SGCD: variants seen among roughly 807,000 people sequenced by gnomAD.
SGCD encodes sarcoglycan delta.
Under a neutral mutation model 36.6 loss-of-function variants are expected in SGCD, and 18 were observed. That is an observed-to-expected ratio of 0.49 (90% CI 0.34 to 0.73). The LOEUF is 0.73. Among genes scored for constraint, SGCD ranks in the 30% least tolerant of loss-of-function variants. The probability of loss-of-function intolerance (pLI) is 0.01; values close to 1 mark genes in which losing one functional copy is unlikely to be tolerated. For missense variants in SGCD, 387 were observed against 346.7 expected, an observed-to-expected ratio of 1.12 and a Z score of -0.92; for synonymous variants, 133 against 130.6, an observed-to-expected ratio of 1.02 and a Z score of -0.12.
At position 156,054,276 on chromosome 5, in the gene SGCD, CTTTCCTTCTTTT is replaced by C. The variant is rs756507024; in HGVS notation, c.-281-63598_-281-63587del. Among the ~76,000 whole-genome samples the C allele has an allele frequency of 2.1e-4, 25 of 117,518 alleles. 3 individuals are homozygous for C. Among genetic ancestry groups the C allele is most frequent in the Non-Finnish European group, 4.0e-4 (22 of 55,320 alleles). The allele number at this position is 117,518 out of a possible 152,430, so 77.1% of individuals were successfully genotyped here. A position where few individuals can be genotyped will look rare whatever the true frequency, so the allele number is the denominator to read the frequency against. On this transcript the variant is annotated intron_variant, in intron 1 of 9. Transcript: ENST00000517913. ...TCCAGTTAAACCAATTAAACATGAA[CTTTCCTTCTTTT>C]TTTTTTTTTTTTTTTGAGACAGAGT...
chr5:156,752,437 G>A (rs1477480580), intron 7 of SGCD, among the ~76,000 whole-genome samples: 2 of 152,040 alleles, frequency 1.3e-5, no homozygotes, highest in African/African-American at 4.8e-5. Context: ...CTGTCTCCCA[G>A]GCTAGAGTGC....
intron 7 of SGCD, among the ~76,000 whole-genome samples, chr5:156,713,526 G>GT (rs1355501535): frequency 6.6e-6 from 1 of 152,150 alleles, no homozygotes; most frequent in Non-Finnish European, 1.5e-5. Flanking sequence ...GGAGCTTGTG[G>GT]TAAACGCTTC....
At chr5:155,907,829 T>C (rs1423078956) in intron 1 of SGCD, among the ~76,000 whole-genome samples, 2 of 152,134 alleles carry the variant, frequency 1.3e-5, no homozygotes, top group African/African-American at 2.4e-5. Context: ...GAAGCAATGA[T>C]AGGGTTTGAG....
At chr5:156,583,886 T>A (rs1192316201) in intron 4 of SGCD, among the ~76,000 whole-genome samples, 1 of 152,226 alleles carries the variant, frequency 6.6e-6, no homozygotes, top group Non-Finnish European at 1.5e-5. Context: ...TTGAGGAAAC[T>A]GCCTTCCATT....
chr5:156,068,214 T>C (rs1257118948), intron 1 of SGCD, among the ~76,000 whole-genome samples: 1 of 151,984 alleles, frequency 6.6e-6, no homozygotes, highest in Non-Finnish European at 1.5e-5. Flanking sequence ...GCTGGTGTGC[T>C]GCACCCATTA....
rs527413353 is a variant in SGCD, at chr5:156,510,123, C to T, written c.294+1421C>T. Among the ~76,000 whole-genome samples the T allele has an allele frequency of 8.5e-5, 13 of 152,184 alleles. No individual in the cohort carries two copies. The East Asian group carries it at 2.3e-3, about 27-fold the overall frequency. ...TCAAATAAGTTTACTTTCTTGTGTG[C>T]TTAGTAAAAGAGAGGGAACAAGGAT... On this transcript the variant is annotated intron_variant, in intron 4 of 8. Coordinates refer to ENST00000337851, the MANE Select transcript of SGCD (RefSeq NM_000337.6).
chr5:156,529,080 C>T (rs1054366187), intron 4 of SGCD, among the ~76,000 whole-genome samples: 8 of 151,958 alleles, frequency 5.3e-5, no homozygotes, highest in African/African-American at 1.5e-4. Context: ...TCCCACAGAC[C>T]GTAGTAACTG....
At position 156,671,754 on chromosome 5, in the gene SGCD, GA is replaced by G. The variant is rs1753304491; in HGVS notation, c.575+24222del. Among the ~76,000 whole-genome samples, 3 of 152,294 alleles carry G rather than the reference GA, an allele frequency of 2.0e-5. No homozygotes were observed. The South Asian group carries it at 6.2e-4, about 32-fold the overall frequency. On this transcript the variant is annotated intron_variant, in intron 7 of 8. Coordinates refer to ENST00000337851, the MANE Select transcript of SGCD (RefSeq NM_000337.6). The stretch of plus-strand genomic sequence containing the variant: ...TACCTGAGATTGAGTAATTTATAAA[GA>G]AAAGAGGGTCATTTGGCTCACAGTT...
intron 7 of SGCD, among the ~76,000 whole-genome samples, chr5:156,748,255 TG>T (rs1757020463): frequency 6.6e-6 from 1 of 152,208 alleles, no homozygotes; most frequent in South Asian, 2.1e-4. Flanking sequence ...GGTAACTTTC[TG>T]GGGTACTGGT....
At chr5:155,956,022 G>A (rs1025974705) in intron 1 of SGCD, among the ~76,000 whole-genome samples, 10 of 151,954 alleles carry the variant, frequency 6.6e-5, no homozygotes, top group African/African-American at 2.4e-4. Flanking sequence ...GGTGGAGGAG[G>A]CAGACATTGA....
At chr5:155,744,512 A>G in the SGCD span, among the ~76,000 whole-genome samples, 1 of 152,326 alleles carries the variant, frequency 6.6e-6, no homozygotes, top group East Asian at 1.9e-4. Context: ...GTAAAAAGCA[A>G]TTATTTAAAA....
At chr5:156,231,006 GGCTACAA>G in intron 3 of SGCD, among the ~76,000 whole-genome samples, 1 of 151,986 alleles carries the variant, frequency 6.6e-6, no homozygotes, top group African/African-American at 2.4e-5. Context: ...CAAATAAAAA[GGCTACAA>G]GGAGGGTTGT....
intron 1 of SGCD, among the ~76,000 whole-genome samples, chr5:155,891,558 C>CTTTTTT (rs372399423): frequency 0.44 from 26,525 of 60,248 alleles, 6,724 homozygotes; most frequent in Non-Finnish European, 0.49. Context: ...AATAAATACT[C>CTTTTTT]TTTTTTTTTT....
chr5:156,161,324 T>G (rs1763082980), intron 3 of SGCD, among the ~76,000 whole-genome samples: 1 of 151,770 alleles, frequency 6.6e-6, no homozygotes, highest in Non-Finnish European at 1.5e-5. Flanking sequence ...AACATTCACT[T>G]TTATATCACA....
At chr5:155,807,019 G>T in the SGCD span, among the ~76,000 whole-genome samples, 21 of 152,282 alleles carry the variant, frequency 1.4e-4, no homozygotes, top group African/African-American at 4.6e-4. Context: ...TAACACATGT[G>T]CATAATACAT....
chr5:156,571,992 G>A (rs1168540712), intron 4 of SGCD, among the ~76,000 whole-genome samples: 1 of 152,126 alleles, frequency 6.6e-6, no homozygotes, highest in Admixed American at 6.6e-5. Flanking sequence ...CAGATAAATA[G>A]TATCATATAG....
chr5:156,362,184 A>T (rs996191945), intron 3 of SGCD, among the ~76,000 whole-genome samples: 1 of 152,224 alleles, frequency 6.6e-6, no homozygotes, highest in African/African-American at 2.4e-5. Context: ...GAGTCTCCAC[A>T]CTGCACTATG....
chr5:156,289,948 T>C (rs1034176989), intron 3 of SGCD, among the ~76,000 whole-genome samples: 2 of 152,168 alleles, frequency 1.3e-5, no homozygotes, highest in African/African-American at 4.8e-5. Flanking sequence ...AAGTGCTGAT[T>C]TCATGTGCTG....
chr5:155,763,565 G>A, the SGCD span, among the ~76,000 whole-genome samples: 1 of 152,044 alleles, frequency 6.6e-6, no homozygotes, highest in Admixed American at 6.6e-5. Context: ...AAAAATATAG[G>A]CGTGTTCTCA....
Sources: allele counts gnomAD v4.1 joint callset (sites outside exome capture counted in the v4.1 genomes callset), GRCh38; gene constraint gnomAD v4.1.1; transcripts MANE v1.5; gene names NCBI Gene and HGNC (gene_info 2026-07-23, HGNC 2026-07-21).